PIEZO2: variants seen among roughly 807,000 people sequenced by gnomAD.
PIEZO2 encodes the protein piezo-type mechanosensitive ion channel component 2.
In PIEZO2, 172 loss-of-function variants were observed where a neutral mutation model predicts 337.3. The ratio of observed to expected loss-of-function variants is 0.51; its 90% CI spans 0.45 to 0.58. The LOEUF (loss-of-function observed/expected upper bound fraction) is 0.58. Ranked by LOEUF, PIEZO2 falls within the 20% of genes least tolerant of loss-of-function variation. The pLI is 0.00. For synonymous variants in PIEZO2, 1,251 were observed against 1,228.5 expected, an observed-to-expected ratio of 1.02 and a Z score of -0.38; for missense variants, 3,028 against 3,391.3, an observed-to-expected ratio of 0.89 and a Z score of 2.66.
At chr18:10,935,810 G>A (rs554546613) in intron 3 of PIEZO2, among the ~76,000 whole-genome samples, 23 of 152,194 alleles carry the variant, frequency 1.5e-4, no homozygotes, top group Admixed American at 4.6e-4. Context: ...CTCCTGCCTC[G>A]CCAGCAGCAA....
rs2039364881 is a variant in PIEZO2, at chr18:11,099,987, TTTG to T, written c.65-33768_65-33766del. Among the ~76,000 whole-genome samples the T allele has an allele frequency of 6.6e-6, 1 of 152,202 alleles. No individual in the cohort carries two copies. The highest frequency in any genetic ancestry group is 2.1e-4 in the South Asian group (1 of 4,832). On this transcript the variant is annotated intron_variant, in intron 1 of 55. Transcript: ENST00000674853. This position sits in a 1 kb window ranked among gnomAD's most constrained non-coding sequence, Gnocchi z 5.4. Reference sequence around the variant, plus strand: ...CCTAGTATGTCATTTGTCTTCATAGTTTGTTTATAGTCTTTTGTCATAAAAAAC... The same window carrying T: ...CCTAGTATGTCATTTGTCTTCATAGTTTTATAGTCTTTTGTCATAAAAAAC...
rs56736388 is a variant in PIEZO2, at chr18:11,143,637, A to T, written c.64+4888T>A. On this transcript the variant is annotated intron_variant, in intron 1 of 55. Coordinates refer to ENST00000674853, the MANE Select transcript of PIEZO2 (RefSeq NM_001378183.1). This position sits in a 1 kb window ranked among gnomAD's most constrained non-coding sequence, Gnocchi z 4.9. ...CACACACACACACACACACACACAC[A>T]CACTCTCTCTCTCTCTCTCTCTCTC... is the stretch of plus-strand genomic sequence containing the variant. 0.5 allele frequency among the ~76,000 whole-genome samples: 44,100 copies of T among 88,952 alleles called. 8,583 individuals carry two copies. Among genetic ancestry groups the T allele is most frequent in the Non-Finnish European group, 0.54 (26,653 of 49,382 alleles). The allele number at this position is 88,952 out of a possible 152,430, so 58.4% of individuals were successfully genotyped here. A position where few individuals can be genotyped will look rare whatever the true frequency, so the allele number is the denominator to read the frequency against.
intron 7 of PIEZO2, 56 bp from the exon 8 acceptor site, chr18:10,807,330 C>A: frequency 6.9e-7 from 1 of 1,457,826 alleles, no homozygotes; most frequent in Non-Finnish European, 9.2e-7. Context: ...ATGTCTCCAA[C>A]ATTGAATAAA....
At chr18:10,956,982 A>ACC in intron 3 of PIEZO2, among the ~76,000 whole-genome samples, 1 of 43,914 alleles carries the variant, frequency 2.3e-5, no homozygotes, top group South Asian at 5.6e-4. Context: ...AAAAAAAAAA[A>ACC]AAAAGAAATC....
At chr18:11,011,291 T>C (rs1359957492) in intron 2 of PIEZO2, among the ~76,000 whole-genome samples, 1 of 152,260 alleles carries the variant, frequency 6.6e-6, no homozygotes, top group African/African-American at 2.4e-5. Flanking sequence ...TTAATTAAAT[T>C]ATATTGCCAA....
At chr18:10,974,686 A>C (rs894037302) in intron 3 of PIEZO2, among the ~76,000 whole-genome samples, 12 of 152,158 alleles carry the variant, frequency 7.9e-5, no homozygotes, top group Non-Finnish European at 1.6e-4. Flanking sequence ...CATGCAACTC[A>C]TTTGCCCTCT....
chr18:11,121,943 C>G (rs879538750), intron 1 of PIEZO2, among the ~76,000 whole-genome samples: 1 of 151,860 alleles, frequency 6.6e-6, no homozygotes, highest in Non-Finnish European at 1.5e-5. Context: ...AAATGAGAAG[C>G]CTTCTTTCTT....
chr18:10,902,729 C>T (rs567913914), intron 4 of PIEZO2, among the ~76,000 whole-genome samples: 11 of 152,124 alleles, frequency 7.2e-5, no homozygotes, highest in Non-Finnish European at 1.6e-4. Context: ...AGAGAGTTTA[C>T]CACTGAAATC....
chr18:10,812,357 C>T (rs368865435), intron 7 of PIEZO2, among the ~76,000 whole-genome samples: 7 of 152,168 alleles, frequency 4.6e-5, no homozygotes, highest in Middle Eastern at 3.4e-3. Flanking sequence ...AAGGGAATAA[C>T]GGGACACCGG....
chr18:10,990,213 T>C (rs1271423289), intron 2 of PIEZO2, among the ~76,000 whole-genome samples: 1 of 152,204 alleles, frequency 6.6e-6, no homozygotes, highest in African/African-American at 2.4e-5. Flanking sequence ...CAAAATCATT[T>C]AGGTAAATTA....
chr18:10,745,124 C>A (rs796124744), intron 30 of PIEZO2, among the ~76,000 whole-genome samples: 4 of 152,316 alleles, frequency 2.6e-5, no homozygotes, highest in African/African-American at 9.6e-5. Flanking sequence ...CAGTAAGTTG[C>A]TCAGTTTCCT....
At chr18:10,720,363 CTGTGTGTGTGTGTGTGTG>C (rs58927900) in intron 36 of PIEZO2, among the ~76,000 whole-genome samples, 12 of 56,298 alleles carry the variant, frequency 2.1e-4, no homozygotes, top group African/African-American at 4.3e-4. Context: ...TATATATATT[CTGTGTGTGTGTGTGTGTG>C]TGTGTGTGTG....
In PIEZO2 at chr18:11,096,841, C is replaced by G. The variant is rs1053785775; in HGVS notation, c.65-30619G>C. On this transcript the variant is annotated intron_variant, in intron 1 of 55. Coordinates refer to ENST00000674853, the MANE Select transcript of PIEZO2 (RefSeq NM_001378183.1). The surrounding 1 kb of genome is among the most constrained non-coding windows in gnomAD (Gnocchi z 4.6). ...CTGCCCACTGCCAGCAAAATGGGAA[C>G]AACATGGACTTCAGGGGGGTGGTAC... Among the ~76,000 whole-genome samples the G allele has an allele frequency of 6.6e-6, 1 of 152,174 alleles. No homozygotes were observed. Among genetic ancestry groups the G allele is most frequent in the Admixed American group, 6.5e-5 (1 of 15,284 alleles).
At chr18:11,113,321 A>G (rs1346433792) in intron 1 of PIEZO2, among the ~76,000 whole-genome samples, 1 of 152,218 alleles carries the variant, frequency 6.6e-6, no homozygotes, top group African/African-American at 2.4e-5. Context: ...CTCATAAATT[A>G]TTAGCCAAAC....
At chr18:11,045,123 G>A (rs569610632) in intron 2 of PIEZO2, among the ~76,000 whole-genome samples, 3 of 151,616 alleles carry the variant, frequency 2.0e-5, no homozygotes, top group East Asian at 3.9e-4. Context: ...GTGAAACCCC[G>A]TCTCTACTAA....
chr18:10,728,714 G>A (rs1389990319), intron 36 of PIEZO2, among the ~76,000 whole-genome samples: 1 of 152,006 alleles, frequency 6.6e-6, no homozygotes, highest in Non-Finnish European at 1.5e-5. Context: ...CCAGCACTTT[G>A]GGAGGCCGAG....
At chr18:10,721,288 A>G (rs552118180) in intron 36 of PIEZO2, among the ~76,000 whole-genome samples, 1 of 152,222 alleles carries the variant, frequency 6.6e-6, no homozygotes, top group East Asian at 1.9e-4. Context: ...CAGTATACAT[A>G]AGGCACATAT....
chr18:11,116,128 T>C lies in PIEZO2; in HGVS notation c.64+32397A>G, dbSNP rs147565789. On this transcript the variant is annotated intron_variant, in intron 1 of 55. Transcript: ENST00000674853. The surrounding 1 kb of genome is among the most constrained non-coding windows in gnomAD (Gnocchi z 5.0). ...CCCTGTAAAGATACAGTAGCTATAA[T>C]TGCTATTTCCCAACATTCTTCATAA... Among the ~76,000 whole-genome samples the C allele has an allele frequency of 1.3e-5, 2 of 152,312 alleles. No homozygotes were observed. Among genetic ancestry groups the C allele is most frequent in the African/African-American group, 4.8e-5 (2 of 41,584 alleles).
chr18:10,907,255 CAACACGG>C (rs1048435160), intron 4 of PIEZO2, among the ~76,000 whole-genome samples: 16 of 152,064 alleles, frequency 1.1e-4, no homozygotes, highest in South Asian at 2.1e-4. Context: ...CTAGCCTGGC[CAACACGG>C]TGAAACCCCG....
Sources: allele counts gnomAD v4.1 joint callset (sites outside exome capture counted in the v4.1 genomes callset), GRCh38; gene constraint gnomAD v4.1.1; non-coding constraint Gnocchi (gnomAD v3.1); transcripts MANE v1.5; gene names NCBI Gene and HGNC (gene_info 2026-07-23, HGNC 2026-07-21).